Variants in SDCCAG8 observed in about 807,000 individuals in gnomAD.
SDCCAG8 encodes the protein serologically defined colon cancer antigen 8.
In SDCCAG8, 74 loss-of-function variants were observed where a neutral mutation model predicts 101.8. That is an observed-to-expected ratio of 0.73 (90% CI 0.60 to 0.88). The LOEUF is 0.88. Ranked by LOEUF, SDCCAG8 falls within the 40% of genes least tolerant of loss-of-function variation. The pLI, the probability that SDCCAG8 is intolerant of heterozygous loss-of-function variation, is 0.00. For missense variants in SDCCAG8, 787 were observed against 822.6 expected (o/e 0.96, Z 0.53); for synonymous variants, 281 against 292.9 (o/e 0.96, Z 0.41).
chr1:243,328,441 G>GC (rs1380372354), intron 9 of SDCCAG8, among the ~76,000 whole-genome samples: 1 of 151,974 alleles, frequency 6.6e-6, no homozygotes, highest in Non-Finnish European at 1.5e-5. Context: ...ACCTGGCTCA[G>GC]CTAATTTTCA....
chr1:243,266,943 CAAAAAAAA>C (rs376247572), intron 1 of SDCCAG8, among the ~76,000 whole-genome samples: 2 of 100,612 alleles, frequency 2.0e-5, no homozygotes, highest in African/African-American at 3.9e-5. Flanking sequence ...AACTTCGTCT[CAAAAAAAA>C]AAAAAAAAAA....
chr1:243,285,953 A>G (rs1398165846), intron 4 of SDCCAG8, among the ~76,000 whole-genome samples: 1 of 151,900 alleles, frequency 6.6e-6, no homozygotes, highest in African/African-American at 2.4e-5. Context: ...TTCAGAATCT[A>G]CTCCATTCTT....
At position 243,270,275 on chromosome 1, in the gene SDCCAG8, T is replaced by C. The variant is rs1196284953; in HGVS notation, c.220+18T>C. On this transcript the variant is annotated intron_variant, in intron 2 of 17. Coordinates refer to ENST00000366541, the MANE Select transcript of SDCCAG8 (RefSeq NM_006642.5). Reference sequence around the variant, plus strand: ...CCATGCTGGTGAGTGTGAATGTCAATCCTAGTCTGAATGATGCATAGTGAA... The same window carrying C: ...CCATGCTGGTGAGTGTGAATGTCAACCCTAGTCTGAATGATGCATAGTGAA... The C allele has an allele frequency of 3.7e-6, 6 of 1,612,732 alleles. No individual in the cohort carries two copies. Among genetic ancestry groups the C allele is most frequent in the Non-Finnish European group, 5.1e-6 (6 of 1,178,976 alleles).
At chr1:243,427,820 T>C (rs1333846807) in intron 16 of SDCCAG8, among the ~76,000 whole-genome samples, 1 of 152,222 alleles carries the variant, frequency 6.6e-6, no homozygotes, top group Non-Finnish European at 1.5e-5. Context: ...ATTCATTCAC[T>C]ATTAAAATGT....
chr1:243,310,729 A>G (rs1386672713), intron 8 of SDCCAG8, among the ~76,000 whole-genome samples: 2 of 152,240 alleles, frequency 1.3e-5, no homozygotes, highest in Admixed American at 6.5e-5. Context: ...ATACATGACA[A>G]AAGACCAATA....
At chr1:243,310,670 A>G (rs1021281780) in intron 8 of SDCCAG8, among the ~76,000 whole-genome samples, 1 of 152,218 alleles carries the variant, frequency 6.6e-6, no homozygotes, top group Non-Finnish European at 1.5e-5. Context: ...TTCCCTTACA[A>G]TAAAACATTA....
At chr1:243,420,874 C>T (rs1447230679) in intron 15 of SDCCAG8, among the ~76,000 whole-genome samples, 1 of 152,150 alleles carries the variant, frequency 6.6e-6, no homozygotes, top group Admixed American at 6.6e-5. Context: ...TTTGAAACCA[C>T]CTATAAAACT....
chr1:243,461,833 T>C (rs970771795), intron 16 of SDCCAG8, among the ~76,000 whole-genome samples: 1 of 152,174 alleles, frequency 6.6e-6, no homozygotes, highest in African/African-American at 2.4e-5. Flanking sequence ...TCTAAGAAGA[T>C]TCACCTCCAC....
At chr1:243,390,902 A>T (rs2078659178) in intron 13 of SDCCAG8, among the ~76,000 whole-genome samples, 1 of 152,252 alleles carries the variant, frequency 6.6e-6, no homozygotes, top group South Asian at 2.1e-4. Context: ...AAAGGAATAT[A>T]ACAAAAGCCC....
chr1:243,285,312 T>C (rs1477880873), intron 4 of SDCCAG8, among the ~76,000 whole-genome samples: 1 of 152,230 alleles, frequency 6.6e-6, no homozygotes, highest in Non-Finnish European at 1.5e-5. Context: ...CACCCATCTC[T>C]TCAGTTTTGG....
intron 13 of SDCCAG8, among the ~76,000 whole-genome samples, chr1:243,397,603 A>T (rs1436226361): frequency 8.4e-6 from 1 of 119,334 alleles, no homozygotes. Context: ...GTTAGAATAG[A>T]TGCCGTTGGT....
rs1426596809 is a variant in SDCCAG8, at chr1:243,458,712, C to A, written c.1986-30302C>A. Among the ~76,000 whole-genome samples, 1 of 152,216 alleles carries A rather than the reference C, an allele frequency of 6.6e-6. No individual in the cohort carries two copies. On this transcript the variant is annotated intron_variant, in intron 16 of 17. Coordinates refer to ENST00000366541, the MANE Select transcript of SDCCAG8 (RefSeq NM_006642.5). The surrounding 1 kb of genome is among the most constrained non-coding windows in gnomAD (Gnocchi z 4.5). ...AAGAAGGGATGCTGATTTGAAGAAT[C>A]TTAGCAATATTTTAGCTCCCATAAT...
intron 16 of SDCCAG8, among the ~76,000 whole-genome samples, chr1:243,469,433 G>C (rs193204979): frequency 6.6e-6 from 1 of 152,202 alleles, no homozygotes; most frequent in South Asian, 2.1e-4. Flanking sequence ...TGGCAGTGTG[G>C]TTGAAATATA....
intron 17 of SDCCAG8, among the ~76,000 whole-genome samples, chr1:243,497,337 T>TTG (rs1259528981): frequency 2.8e-5 from 1 of 35,362 alleles, no homozygotes; most frequent in Non-Finnish European, 6.7e-5. Context: ...TAGGCACGGG[T>TTG]GGGGGGGGGG....
rs71981276 is a variant in SDCCAG8, at chr1:243,372,897, C to CATATCTATATCT, written c.1474-5779_1474-5768dup. ...CCTGTAGTCCCAGCTACTTGGGAAC[C>CATATCTATATCT]ATATCTATATCTATATCTATATCTA... is the stretch of plus-strand genomic sequence containing the variant. On this transcript the variant is annotated intron_variant, in intron 12 of 17. Transcript: ENST00000366541. 8.1e-3 allele frequency among the ~76,000 whole-genome samples: 1,125 copies of CATATCTATATCT among 138,502 alleles called. 9 individuals carry two copies. Among genetic ancestry groups the CATATCTATATCT allele is most frequent in the East Asian group, 0.016 (76 of 4,704 alleles). The allele number at this position is 138,502 out of a possible 152,430, so 90.9% of individuals were successfully genotyped here. A position where few individuals can be genotyped will look rare whatever the true frequency, so the allele number is the denominator to read the frequency against.
chr1:243,410,926 A>G (rs2080127258), intron 13 of SDCCAG8, among the ~76,000 whole-genome samples: 1 of 152,134 alleles, frequency 6.6e-6, no homozygotes, highest in African/African-American at 2.4e-5. Context: ...CTATGCTTCC[A>G]TGTATATGTA....
rs2075458661 is a variant in SDCCAG8 at position 243,342,839 on chromosome 1, ATTG to A, written c.1357-1373_1357-1371del. ...CAATAGAATTTTTAATAACTTCATT[ATTG>A]TTCTAGCTTTCTGAGGGCTACTAGG... On this transcript the variant is annotated intron_variant, in intron 11 of 17. Coordinates refer to ENST00000366541, the MANE Select transcript of SDCCAG8 (RefSeq NM_006642.5). 2.0e-5 allele frequency among the ~76,000 whole-genome samples: 3 copies of A among 152,184 alleles called. No homozygotes were observed. In the South Asian group the frequency reaches 6.2e-4, roughly 31 times the overall value.
chr1:243,358,411 A>G (rs2076513035), intron 12 of SDCCAG8, among the ~76,000 whole-genome samples: 1 of 152,170 alleles, frequency 6.6e-6, no homozygotes, highest in South Asian at 2.1e-4. Flanking sequence ...AAGATGAGAA[A>G]CCATTTCACA....
At chr1:243,413,586 G>T (rs1348740128) in intron 13 of SDCCAG8, among the ~76,000 whole-genome samples, 2 of 152,168 alleles carry the variant, frequency 1.3e-5, no homozygotes, top group African/African-American at 4.8e-5. Flanking sequence ...TTACATTGGG[G>T]AACTGTAAGT....
Sources: gnomAD v4.1 joint callset for allele counts (sites outside exome capture counted in the v4.1 genomes callset) on GRCh38, gnomAD v4.1.1 for gene constraint, Gnocchi (gnomAD v3.1) non-coding constraint, MANE v1.5 for transcripts, NCBI Gene and HGNC (gene_info 2026-07-23, HGNC 2026-07-21) for gene names.